Variants in OR9Q1 observed in about 807,000 individuals in gnomAD.
The protein encoded by OR9Q1 is olfactory receptor family 9 subfamily Q member 1.
For missense variants in OR9Q1, 374 were observed against 378.8 expected (o/e 0.99, Z 0.11); for synonymous variants, 153 against 148.6 (o/e 1.03, Z -0.22).
At chr11:58,163,475 T>TA (rs1854474198) in intron 2 of OR9Q1, among the ~76,000 whole-genome samples, 1 of 152,174 alleles carries the variant, frequency 6.6e-6, no homozygotes. Context: ...TTGAGACTCA[T>TA]AAAAAATGCA....
chr11:58,037,431 G>A lies in OR9Q1; in HGVS notation c.-93+13327G>A, dbSNP rs143453722. ...GTAGACTTTCAGGCACCTGACCTGA[G>A]TAGATATGAACACAAAATGAGTTAG... On this transcript the variant is annotated intron_variant, in intron 1 of 2. Transcript: ENST00000335397. Among the ~76,000 whole-genome samples, 4 of 151,794 alleles carry A rather than the reference G, an allele frequency of 2.6e-5. No homozygotes were observed. The East Asian group carries it at 7.7e-4, about 29-fold the overall frequency.
At chr11:58,139,564 G>A (rs537751428) in intron 2 of OR9Q1, among the ~76,000 whole-genome samples, 43 of 152,128 alleles carry the variant, frequency 2.8e-4, no homozygotes, top group Non-Finnish European at 5.6e-4. Context: ...ATAGTTTGCT[G>A]AGAATGATGG....
chr11:58,116,108 G>C lies in OR9Q1; in HGVS notation c.-15+60161G>C, dbSNP rs533378792. Among the ~76,000 whole-genome samples the C allele has an allele frequency of 4.4e-4, 67 of 152,224 alleles. 1 individual carries two copies. The highest frequency in any genetic ancestry group is 1.6e-3 in the African/African-American group (66 of 41,532). On this transcript the variant is annotated intron_variant, in intron 2 of 2. Coordinates refer to ENST00000335397, the MANE Select transcript of OR9Q1 (RefSeq NM_001005212.4). ...AGGATAGGCAGCCCAGGGCCCATAG[G>C]GTGGATTAAAAATGTCATCAGGGAC...
At chr11:58,134,872 GA>G (rs2119851272) in intron 2 of OR9Q1, among the ~76,000 whole-genome samples, 1 of 152,254 alleles carries the variant, frequency 6.6e-6, no homozygotes, top group South Asian at 2.1e-4. Context: ...TTCTTCATCT[GA>G]AAATGGGCTG....
chr11:58,172,506 T>C (rs781021340), intron 2 of OR9Q1, among the ~76,000 whole-genome samples: 5 of 152,184 alleles, frequency 3.3e-5, no homozygotes, highest in African/African-American at 4.8e-5. Context: ...TTATTTACTA[T>C]TCTCCATGCC....
intron 2 of OR9Q1, among the ~76,000 whole-genome samples, chr11:58,163,525 G>A (rs1229208472): frequency 6.6e-6 from 1 of 152,230 alleles, no homozygotes; most frequent in Non-Finnish European, 1.5e-5. Flanking sequence ...TTTCTCAGCT[G>A]CAGAGAGCTG....
intron 2 of OR9Q1, among the ~76,000 whole-genome samples, chr11:58,121,955 A>G (rs555454735): frequency 1.1e-4 from 16 of 152,336 alleles, no homozygotes; most frequent in Non-Finnish European, 1.9e-4. Context: ...CTTGTCCAAA[A>G]GTCAAATAAT....
At chr11:58,131,566 C>T (rs10792139) in intron 2 of OR9Q1, among the ~76,000 whole-genome samples, 58,683 of 151,498 alleles carry the variant, frequency 0.39, 12,456 homozygotes, top group East Asian at 0.67. Flanking sequence ...AAGATTTTTT[C>T]GTTTGTGGAG....
chr11:58,108,972 C>A (rs61732261), intron 2 of OR9Q1: 3 of 399,572 alleles, frequency 7.5e-6, no homozygotes, highest in Non-Finnish European at 1.5e-5. Flanking sequence ...ACCCACCTGC[C>A]GACTTCACCC....
intron 2 of OR9Q1, among the ~76,000 whole-genome samples, chr11:58,102,076 T>TTGATCCA (rs1853789525): frequency 6.6e-6 from 1 of 152,200 alleles, no homozygotes; most frequent in Non-Finnish European, 1.5e-5. Flanking sequence ...TTTTGGATCT[T>TTGATCCA]AGATTTAAGT....
intron 2 of OR9Q1, among the ~76,000 whole-genome samples, chr11:58,175,630 C>T (rs1854599370): frequency 6.6e-6 from 1 of 152,108 alleles, no homozygotes; most frequent in Non-Finnish European, 1.5e-5. Flanking sequence ...ATAAGAATCT[C>T]ACCTATTAGG....
At chr11:58,030,981 A>G (rs1409285479) in intron 1 of OR9Q1, 2 of 1,613,980 alleles carry the variant, frequency 1.2e-6, no homozygotes, top group Admixed American at 1.7e-5. Flanking sequence ...AACTGGACCC[A>G]GGTAACTGAA....
intron 2 of OR9Q1, among the ~76,000 whole-genome samples, chr11:58,174,549 TATC>T (rs775713957): frequency 2.0e-5 from 3 of 151,672 alleles, no homozygotes; most frequent in Non-Finnish European, 1.5e-5. Context: ...TAAAGGATAT[TATC>T]ATACTAAAAT....
At chr11:58,108,869 C>T (rs573912956) in intron 2 of OR9Q1, 104 of 354,724 alleles carry the variant, frequency 2.9e-4, no homozygotes, top group South Asian at 5.3e-4. Flanking sequence ...GAGGATTTGG[C>T]GGAGTTACTT....
At chr11:58,028,394 T>C (rs975045017) in intron 1 of OR9Q1, among the ~76,000 whole-genome samples, 1 of 152,114 alleles carries the variant, frequency 6.6e-6, no homozygotes, top group Non-Finnish European at 1.5e-5. Flanking sequence ...ACAGGTAAGA[T>C]TTAGAAAAAT....
Position 58,096,203 on chromosome 11 carries a change from T to C in OR9Q1, c.-15+40256T>C, listed in dbSNP as rs542441245. On this transcript the variant is annotated intron_variant, in intron 2 of 2. Transcript: ENST00000335397. ...TACCAAATACAGGTTTTCTGTTTTA[T>C]GCTGACAGCACTTTATTGAGGTATA... Among the ~76,000 whole-genome samples, 454 of 151,212 alleles carry C rather than the reference T, an allele frequency of 3.0e-3. 2 individuals carry two copies. The highest frequency in any genetic ancestry group is 3.5e-3 in the Non-Finnish European group (235 of 67,820).
chr11:58,075,850 T>C (rs574068839), intron 2 of OR9Q1, among the ~76,000 whole-genome samples: 2 of 152,312 alleles, frequency 1.3e-5, no homozygotes, highest in East Asian at 1.9e-4. Context: ...TGATCCAGTC[T>C]CTTCTTTTAA....
intron 2 of OR9Q1, among the ~76,000 whole-genome samples, chr11:58,163,635 AAAG>A: frequency 6.6e-6 from 1 of 152,312 alleles, no homozygotes; most frequent in South Asian, 2.1e-4. Flanking sequence ...GTTAAAGATT[AAAG>A]GACAAACTTG....
At chr11:58,025,126 G>A (rs1472964764) in intron 1 of OR9Q1, among the ~76,000 whole-genome samples, 1 of 152,174 alleles carries the variant, frequency 6.6e-6, no homozygotes, top group Non-Finnish European at 1.5e-5. Flanking sequence ...TGGGGATTAA[G>A]CCAGATGGTA....
Sources: gnomAD v4.1 joint callset for allele counts (sites outside exome capture counted in the v4.1 genomes callset) on GRCh38, gnomAD v4.1.1 for gene constraint, MANE v1.5 for transcripts, NCBI Gene and HGNC (gene_info 2026-07-23, HGNC 2026-07-21) for gene names.